Variants in EPB41 observed in about 807,000 individuals in gnomAD.
The protein encoded by EPB41 is protein 4.1.
EPB41 carries 65 observed loss-of-function variants against 108.0 expected under a neutral mutation model. The observed-to-expected ratio is 0.60, with a 90% CI of 0.49 to 0.74. The LOEUF is 0.74. Ranked by LOEUF, EPB41 falls within the 30% of genes least tolerant of loss-of-function variation. The pLI is 0.00. For synonymous variants in EPB41, 336 were observed against 358.9 expected (o/e 0.94, Z 0.72); for missense variants, 875 against 1,037.0 (o/e 0.84, Z 2.15).
At chr1:29,006,823 C>T (rs1020600760) in intron 4 of EPB41, among the ~76,000 whole-genome samples, 3 of 151,532 alleles carry the variant, frequency 2.0e-5, no homozygotes, top group Admixed American at 6.6e-5. Flanking sequence ...TTGCTTGAGC[C>T]GGAGAGGTGG....
intron 8 of EPB41, among the ~76,000 whole-genome samples, chr1:29,030,882 G>T (rs1187371052): frequency 3.9e-5 from 6 of 151,950 alleles, no homozygotes; most frequent in African/African-American, 1.5e-4. Flanking sequence ...GAGTGCAGTG[G>T]CATGATCTCG....
chr1:29,011,607 T>C (rs2096502311), intron 4 of EPB41, among the ~76,000 whole-genome samples: 1 of 152,222 alleles, frequency 6.6e-6, no homozygotes. Context: ...TCTCATTGTA[T>C]AGATGAGGAA....
At chr1:29,047,766 T>TTATGTATG (rs568654460) in intron 11 of EPB41, among the ~76,000 whole-genome samples, 25 of 151,550 alleles carry the variant, frequency 1.6e-4, no homozygotes, top group Admixed American at 7.2e-4. Context: ...AATTGACAAT[T>TTATGTATG]TATGTATGTA....
At chr1:28,922,981 G>T in intron 1 of EPB41, among the ~76,000 whole-genome samples, 1 of 151,946 alleles carries the variant, frequency 6.6e-6, no homozygotes, top group Admixed American at 6.6e-5. Context: ...TCCTGACTTG[G>T]CCTCCCAAAG....
At chr1:29,057,005 TAAG>T (rs1390289220) in intron 12 of EPB41, among the ~76,000 whole-genome samples, 1 of 152,144 alleles carries the variant, frequency 6.6e-6, no homozygotes, top group Non-Finnish European at 1.5e-5. Context: ...ATTTTGTCCA[TAAG>T]AAGTTTAAGC....
chr1:29,070,784 T>TG (rs1424604011), intron 16 of EPB41: 2 of 1,071,600 alleles, frequency 1.9e-6, no homozygotes, highest in Non-Finnish European at 2.4e-6. Flanking sequence ...GTATGTATTG[T>TG]GGGGTACAAA....
chr1:28,968,365 A>G (rs2095412923), intron 1 of EPB41, among the ~76,000 whole-genome samples: 1 of 152,038 alleles, frequency 6.6e-6, no homozygotes, highest in Non-Finnish European at 1.5e-5. Flanking sequence ...AAACAAACAA[A>G]CAAACAAACA....
In EPB41 at chr1:29,097,787, C is replaced by G. The variant is rs1663737936; in HGVS notation, c.2185-20C>G. On this transcript the variant is annotated intron_variant, in intron 16 of 20. Transcript: ENST00000343067. Reference sequence around the variant, plus strand: ...TGCCTTCAGAAATACTCTAGTAACTCTTTCCTTACTGCTTCACAGCCTCCC... The same window carrying G: ...TGCCTTCAGAAATACTCTAGTAACTGTTTCCTTACTGCTTCACAGCCTCCC... 6.2e-7 allele frequency: 1 copy of G among 1,613,232 alleles called. No homozygotes were observed. The highest frequency in any genetic ancestry group is 1.3e-5 in the African/African-American group (1 of 74,922).
At chr1:28,997,547 G>A (rs1453702790) in intron 4 of EPB41, among the ~76,000 whole-genome samples, 3 of 152,076 alleles carry the variant, frequency 2.0e-5, no homozygotes, top group Admixed American at 6.6e-5. Flanking sequence ...TATATTGTAT[G>A]TTTTTACAAG....
chr1:29,063,618 AC>A lies in EPB41; in HGVS notation c.2008-1360del, dbSNP rs1311479301. On this transcript the variant is annotated intron_variant, in intron 15 of 20. Transcript: ENST00000343067. ...TTATTTAAATGAATTATAATTTTTT[AC>A]CCCAATACAGCTGTTTCCTACAGAG... 3.9e-5 allele frequency among the ~76,000 whole-genome samples: 6 copies of A among 152,218 alleles called. No homozygotes were observed. In the East Asian group the frequency reaches 1.2e-3, roughly 29 times the overall value.
chr1:29,018,181 T>C lies in EPB41; in HGVS notation c.906-43T>C. ...CTCCTTTTTCTCTCTTTATATTTTGTTGTTGTTGTTGCTGACATAACATTT... is the reference window on the plus strand; with the variant it reads ...CTCCTTTTTCTCTCTTTATATTTTGCTGTTGTTGTTGCTGACATAACATTT... On this transcript the variant is annotated intron_variant, in intron 6 of 20. Transcript: ENST00000343067. This position sits in a 1 kb window ranked among gnomAD's most constrained non-coding sequence, Gnocchi z 4.4. 6.4e-7 allele frequency: 1 copy of C among 1,554,488 alleles called. No individual in the cohort carries two copies. Among genetic ancestry groups the C allele is most frequent in the Non-Finnish European group, 8.9e-7 (1 of 1,126,334 alleles).
chr1:28,937,418 G>A (rs1485275834), intron 1 of EPB41, among the ~76,000 whole-genome samples: 1 of 151,990 alleles, frequency 6.6e-6, no homozygotes, highest in African/African-American at 2.4e-5. Context: ...TTTTGAGGCA[G>A]AGTCTCGCTC....
chr1:29,027,054 T>C (rs2096727901), intron 7 of EPB41, among the ~76,000 whole-genome samples: 1 of 148,818 alleles, frequency 6.7e-6, no homozygotes, highest in African/African-American at 2.5e-5. Flanking sequence ...ATCATACCAC[T>C]GCACTCCAGC....
chr1:28,942,014 C>T (rs755398155), intron 1 of EPB41, among the ~76,000 whole-genome samples: 20 of 152,078 alleles, frequency 1.3e-4, no homozygotes, highest in Non-Finnish European at 2.6e-4. Flanking sequence ...AAAAATTACC[C>T]GTAATCCTAT....
chr1:28,918,048 G>A (rs2092812768), intron 1 of EPB41, among the ~76,000 whole-genome samples: 1 of 152,196 alleles, frequency 6.6e-6, no homozygotes, highest in Admixed American at 6.5e-5. Context: ...GAGAGGCTGA[G>A]TTTGGTTCTG....
chr1:28,924,682 A>G (rs2093339552), intron 1 of EPB41, among the ~76,000 whole-genome samples: 1 of 152,220 alleles, frequency 6.6e-6, no homozygotes, highest in South Asian at 2.1e-4. Flanking sequence ...GATAACTAAA[A>G]CATCTACCAC....
chr1:28,997,725 A>T (rs1383883510), intron 4 of EPB41, among the ~76,000 whole-genome samples: 2 of 151,932 alleles, frequency 1.3e-5, no homozygotes, highest in Non-Finnish European at 2.9e-5. Context: ...AATTAAATAT[A>T]ATTATGATAT....
intron 1 of EPB41, among the ~76,000 whole-genome samples, chr1:28,973,139 A>G (rs556361784): frequency 6.6e-6 from 1 of 152,138 alleles, no homozygotes; most frequent in African/African-American, 2.4e-5. Flanking sequence ...TAGTTTTGAA[A>G]CCTTCATACT....
chr1:28,978,609 G>C (rs1350081596), intron 1 of EPB41, among the ~76,000 whole-genome samples: 1 of 151,510 alleles, frequency 6.6e-6, no homozygotes, highest in Admixed American at 6.6e-5. Context: ...TTTGGGGTAT[G>C]TCTGTGAGGA....
Sources: allele counts gnomAD v4.1 joint callset (sites outside exome capture counted in the v4.1 genomes callset), GRCh38; gene constraint gnomAD v4.1.1; non-coding constraint Gnocchi (gnomAD v3.1); transcripts MANE v1.5; gene names NCBI Gene and HGNC (gene_info 2026-07-23, HGNC 2026-07-21).